Variants in PPP2R5E observed in about 807,000 individuals in gnomAD.
PPP2R5E encodes the protein protein phosphatase 2 regulatory subunit B'epsilon.
A neutral mutation model predicts 65.3 loss-of-function variants in PPP2R5E; 4 were observed. The ratio of observed to expected loss-of-function variants is 0.06; its 90% CI spans 0.03 to 0.14. The LOEUF is 0.14. Among genes scored for constraint, PPP2R5E ranks in the 10% least tolerant of loss-of-function variants. The pLI is 1.00. For missense variants in PPP2R5E, 274 were observed against 556.1 expected (o/e 0.49, Z 5.10); for synonymous variants, 183 against 187.4 (o/e 0.98, Z 0.19).
intron 2 of PPP2R5E, 88 bp downstream of exon 2, chr14:63,539,441 C>A: frequency 7.2e-7 from 1 of 1,387,632 alleles, no homozygotes; most frequent in Non-Finnish European, 9.8e-7. Context: ...CAATTTGCAA[C>A]ACATATAAAA....
At chr14:63,451,962 T>C (rs1256957159) in intron 3 of PPP2R5E, 1 of 152,198 alleles carries the variant, frequency 6.6e-6, no homozygotes, top group Non-Finnish European at 1.5e-5. Context: ...TGTATAAGGA[T>C]ATTCATAGAG....
At chr14:63,510,899 G>A (rs1242677812) in intron 2 of PPP2R5E, among the ~76,000 whole-genome samples, 1 of 152,204 alleles carries the variant, frequency 6.6e-6, no homozygotes, top group Non-Finnish European at 1.5e-5. Context: ...CCTGTTGGGA[G>A]GCAAAAGATG....
chr14:63,443,403 G>T (rs957487202), intron 3 of PPP2R5E, among the ~76,000 whole-genome samples: 6 of 152,194 alleles, frequency 3.9e-5, no homozygotes, highest in African/African-American at 1.4e-4. Flanking sequence ...AATGATCAGT[G>T]TGACAAGGTT....
In PPP2R5E at chr14:63,375,749, A is replaced by AT. The variant is rs34338079; in HGVS notation, c.*259dup. 1,718 of 249,012 alleles carry AT rather than the reference A, an allele frequency of 6.9e-3. No individual in the cohort carries two copies. The highest frequency in any genetic ancestry group is 0.017 in the Middle Eastern group (14 of 834). The allele number at this position is 249,012 out of a possible 1,614,324, so 15.4% of individuals were successfully genotyped here. A position where few individuals can be genotyped will look rare whatever the true frequency, so the allele number is the denominator to read the frequency against. Reference sequence around the variant, plus strand: ...TTCATCAACAGATCTTTGAAGACCGATTTTTTTTTTTAAAAGAGGGTGAGA... The same window carrying AT: ...TTCATCAACAGATCTTTGAAGACCGATTTTTTTTTTTTAAAAGAGGGTGAGA... On this transcript the variant is annotated 3_prime_UTR_variant, in exon 14 of 14. Coordinates refer to ENST00000337537, the MANE Select transcript of PPP2R5E (RefSeq NM_006246.5).
At chr14:63,404,121 C>G (rs1161444133) in intron 5 of PPP2R5E, among the ~76,000 whole-genome samples, 1 of 149,138 alleles carries the variant, frequency 6.7e-6, no homozygotes, top group African/African-American at 2.4e-5. Context: ...AGGCAAGAGA[C>G]TGCTATTTTT....
intron 2 of PPP2R5E, among the ~76,000 whole-genome samples, chr14:63,480,753 A>AT (rs1302991040): frequency 1.3e-5 from 2 of 152,038 alleles, no homozygotes; most frequent in Admixed American, 6.6e-5. Context: ...GCCAGACTCC[A>AT]TTTTTTTATG....
At chr14:63,465,716 T>C (rs1594905049) in intron 2 of PPP2R5E, among the ~76,000 whole-genome samples, 1 of 152,206 alleles carries the variant, frequency 6.6e-6, no homozygotes, top group Non-Finnish European at 1.5e-5. Flanking sequence ...GCCATCTATT[T>C]AGAACTCTCA....
intron 3 of PPP2R5E, among the ~76,000 whole-genome samples, chr14:63,447,642 T>C (rs1438087270): frequency 1.3e-5 from 2 of 152,266 alleles, no homozygotes; most frequent in Non-Finnish European, 2.9e-5. Flanking sequence ...AGTAGTAGTT[T>C]TAATTTCCTT....
chr14:63,418,171 C>T (rs189094590), intron 4 of PPP2R5E, among the ~76,000 whole-genome samples: 35 of 152,176 alleles, frequency 2.3e-4, no homozygotes, highest in African/African-American at 8.2e-4. Flanking sequence ...AGAATTGTTC[C>T]TTTTCTAATA....
At chr14:63,541,082 T>C (rs892954787) in intron 1 of PPP2R5E, among the ~76,000 whole-genome samples, 1 of 152,194 alleles carries the variant, frequency 6.6e-6, no homozygotes, top group African/African-American at 2.4e-5. Flanking sequence ...CAAGGTGAAA[T>C]TTACTACTAC....
chr14:63,392,077 G>T (rs887988196), intron 8 of PPP2R5E, 52 bp from the exon 9 acceptor site: 1 of 1,418,550 alleles, frequency 7.0e-7, no homozygotes. Flanking sequence ...TACAGTAAGG[G>T]CTCAAAAGAT....
At chr14:63,443,402 T>A (rs1029465793) in intron 3 of PPP2R5E, among the ~76,000 whole-genome samples, 3 of 152,174 alleles carry the variant, frequency 2.0e-5, no homozygotes, top group Admixed American at 1.3e-4. Context: ...AAATGATCAG[T>A]GTGACAAGGT....
chr14:63,486,480 T>C (rs1334401512), intron 2 of PPP2R5E, among the ~76,000 whole-genome samples: 1 of 152,104 alleles, frequency 6.6e-6, no homozygotes, highest in Non-Finnish European at 1.5e-5. Context: ...ATATCTATTA[T>C]GTATATAGGC....
chr14:63,391,917 CT>C, intron 9 of PPP2R5E, 50 bp from the exon 10 acceptor site: 2 of 1,606,210 alleles, frequency 1.2e-6, no homozygotes, highest in Middle Eastern at 1.7e-4. Context: ...TTCATATATA[CT>C]TCTGGGAAAG....
In PPP2R5E at chr14:63,409,331, C is replaced by T. The variant is rs575376905; in HGVS notation, c.549+5809G>A. On this transcript the variant is annotated intron_variant, in intron 5 of 13. Transcript: ENST00000337537. The stretch of plus-strand genomic sequence containing the variant: ...CTGAGGCATGAAAATCACTTGAACC[C>T]GGGAGGTGGAGGTTGCAGTGAGCTG... Among the ~76,000 whole-genome samples, 257 of 152,174 alleles carry T rather than the reference C, an allele frequency of 1.7e-3. 2 individuals are homozygous for T. The highest frequency in any genetic ancestry group is 2.6e-3 in the Non-Finnish European group (178 of 67,994).
At chr14:63,464,840 T>C (rs974520167) in intron 2 of PPP2R5E, among the ~76,000 whole-genome samples, 5 of 152,052 alleles carry the variant, frequency 3.3e-5, no homozygotes, top group Admixed American at 6.5e-5. Flanking sequence ...CTGGCCAACA[T>C]GGTGAAACCC....
At position 63,431,104 on chromosome 14, in the gene PPP2R5E, C is replaced by A. The variant is rs891827198; in HGVS notation, c.355-9010G>T. 4.6e-5 allele frequency among the ~76,000 whole-genome samples: 7 copies of A among 152,168 alleles called. No homozygotes were observed. In the East Asian group the frequency reaches 9.7e-4, roughly 21 times the overall value. On this transcript the variant is annotated intron_variant, in intron 3 of 13. Coordinates refer to ENST00000337537, the MANE Select transcript of PPP2R5E (RefSeq NM_006246.5). Reference sequence around the variant, plus strand: ...CCAACATGGTGAAACCCCATCTGTACTAAAAATACAAAAATTAGCTGGGCA... The same window carrying A: ...CCAACATGGTGAAACCCCATCTGTAATAAAAATACAAAAATTAGCTGGGCA...
chr14:63,517,046 C>G (rs1013267613), intron 2 of PPP2R5E, among the ~76,000 whole-genome samples: 4 of 151,986 alleles, frequency 2.6e-5, no homozygotes, highest in African/African-American at 9.7e-5. Flanking sequence ...CACTTGAAAC[C>G]CAAGTCTTAT....
chr14:63,461,620 G>T (rs1340701846), intron 2 of PPP2R5E, among the ~76,000 whole-genome samples: 1 of 147,188 alleles, frequency 6.8e-6, no homozygotes, highest in Non-Finnish European at 1.5e-5. Flanking sequence ...AACACAGCGA[G>T]ATCGCGTCTC....
Sources: allele counts gnomAD v4.1 joint callset (sites outside exome capture counted in the v4.1 genomes callset), GRCh38; gene constraint gnomAD v4.1.1; transcripts MANE v1.5; gene names NCBI Gene and HGNC (gene_info 2026-07-23, HGNC 2026-07-21).